VAV1: variants seen among roughly 807,000 people sequenced by gnomAD.
The protein encoded by VAV1 is proto-oncogene vav.
A neutral mutation model predicts 128.1 loss-of-function variants in VAV1; 33 were observed. The ratio of observed to expected loss-of-function variants is 0.26; its 90% CI spans 0.20 to 0.34. VAV1 has a LOEUF of 0.34. Among genes scored for constraint, VAV1 ranks in the 10% least tolerant of loss-of-function variants. The pLI, the probability that VAV1 is intolerant of heterozygous loss-of-function variation, is 1.00. For synonymous variants in VAV1, 394 were observed against 409.8 expected (o/e 0.96, Z 0.47); for missense variants, 715 against 1,093.7 (o/e 0.65, Z 4.88).
intron 1 of VAV1, among the ~76,000 whole-genome samples, chr19:6,800,994 G>A (rs1216116933): frequency 1.3e-5 from 2 of 152,190 alleles, no homozygotes; most frequent in African/African-American, 4.8e-5. Context: ...CTTACCAGGT[G>A]CCTCCTGCAT....
chr19:6,780,035 T>C (rs187955806), intron 1 of VAV1, among the ~76,000 whole-genome samples: 3,157 of 147,896 alleles, frequency 0.021, 149 homozygotes, highest in African/African-American at 0.072. Context: ...GGCATGAACC[T>C]GGGAGGCGGA....
chr19:6,774,427 CTT>C (rs1002823385), intron 1 of VAV1, among the ~76,000 whole-genome samples: 51 of 91,558 alleles, frequency 5.6e-4, no homozygotes, highest in African/African-American at 1.3e-3. Context: ...CGCGCCCAGC[CTT>C]TTTTTTTTTT....
rs752268580 is a variant in VAV1, at chr19:6,848,073, G to A, written c.2088G>A (p.Arg696=). ...ANRSDGTFLV[R]QRVKDAAEFA... is the part of the protein sequence containing the mutation. The stretch of plus-strand genomic sequence containing the variant: ...GCTCGGACGGGACTTTCTTGGTGCG[G>A]CAGAGGGTGAAGGATGCAGCAGAAT... Residue 696 remains arginine (R), a synonymous_variant, in exon 23 of 27, where the codon CGG becomes CGA. Transcript: ENST00000602142. The A allele has an allele frequency of 6.4e-7, 1 of 1,552,232 alleles. No homozygotes were observed. The highest frequency in any genetic ancestry group is 8.6e-7 in the Non-Finnish European group (1 of 1,156,366).
rs868723772 is a variant in VAV1 at position 6,792,362 on chromosome 19, G to A, written c.204+19351G>A. Among the ~76,000 whole-genome samples the A allele has an allele frequency of 4.8e-4, 72 of 151,004 alleles. 2 individuals are homozygous for A. In the Middle Eastern group the frequency reaches 0.014, roughly 29 times the overall value. On this transcript the variant is annotated intron_variant, in intron 1 of 26. Coordinates refer to ENST00000602142, the MANE Select transcript of VAV1 (RefSeq NM_005428.4). ...GGAGGCAGGTCTCATATTCCAGGAA[G>A]GCAAGAATTAAAAAAAAAAAGGAAT...
intron 21 of VAV1, among the ~76,000 whole-genome samples, chr19:6,839,186 C>G (rs1355036840): frequency 6.6e-6 from 1 of 151,218 alleles, no homozygotes; most frequent in Non-Finnish European, 1.5e-5. Context: ...CAGGTGTGAG[C>G]CACTGCACCC....
At chr19:6,823,624 G>A (rs1471937180) in intron 6 of VAV1, among the ~76,000 whole-genome samples, 1 of 151,446 alleles carries the variant, frequency 6.6e-6, no homozygotes, top group African/African-American at 2.4e-5. Flanking sequence ...TCTTCCTCTT[G>A]TCTCTCTGTC....
Position 6,822,201 on chromosome 19 carries a change from C to T in VAV1, c.450-20C>T, listed in dbSNP as rs1330318550. The T allele has an allele frequency of 7.7e-6, 12 of 1,561,722 alleles. No individual in the cohort carries two copies. Among genetic ancestry groups the T allele is most frequent in the Non-Finnish European group, 1.0e-5 (12 of 1,152,652 alleles). On this transcript the variant is annotated intron_variant, in intron 4 of 26. Coordinates refer to ENST00000602142, the MANE Select transcript of VAV1 (RefSeq NM_005428.4). This position sits in a 1 kb window ranked among gnomAD's most constrained non-coding sequence, Gnocchi z 5.9. ...TGATCTGGGAGAGGTCCAAGGGATC[C>T]CTGACCTCACAACCCACAGCGACAC...
intron 1 of VAV1, among the ~76,000 whole-genome samples, chr19:6,819,817 T>C (rs2050421043): frequency 6.6e-6 from 1 of 152,164 alleles, no homozygotes; most frequent in Non-Finnish European, 1.5e-5. Context: ...GCTGAACCTG[T>C]TGGGACGTTG....
At chr19:6,789,097 G>A (rs1230476012) in intron 1 of VAV1, among the ~76,000 whole-genome samples, 2 of 152,218 alleles carry the variant, frequency 1.3e-5, no homozygotes, top group Non-Finnish European at 1.5e-5. Flanking sequence ...AGGCAGAATC[G>A]CCCTGGGGGC....
At chr19:6,825,453 GC>G in intron 8 of VAV1, 47 bp downstream of exon 8, 1 of 1,537,442 alleles carries the variant, frequency 6.5e-7, no homozygotes, top group Non-Finnish European at 8.9e-7. Context: ...ACTCTGTCTT[GC>G]CTAGGCTGGG....
At chr19:6,802,999 C>T (rs1971307545) in intron 1 of VAV1, among the ~76,000 whole-genome samples, 1 of 152,160 alleles carries the variant, frequency 6.6e-6, no homozygotes, top group Non-Finnish European at 1.5e-5. Flanking sequence ...CGGCTTTATT[C>T]ATGATTGCTG....
At chr19:6,807,624 A>G (rs1475591414) in intron 1 of VAV1, among the ~76,000 whole-genome samples, 1 of 152,016 alleles carries the variant, frequency 6.6e-6, no homozygotes, top group Non-Finnish European at 1.5e-5. Context: ...AGGTGGGAGG[A>G]TCACTTGAGC....
rs556665094 is a variant in VAV1, at chr19:6,773,278, T to G, written c.204+267T>G. Among the ~76,000 whole-genome samples the G allele has an allele frequency of 3.8e-4, 58 of 151,992 alleles. No homozygotes were observed. The East Asian group carries it at 8.5e-3, about 22-fold the overall frequency. ...ACTGGCAAACTAGGGGTTAACTCTC[T>G]CAAGCCCCAGGCGCCTCTACTGTGG... On this transcript the variant is annotated intron_variant, in intron 1 of 26. Coordinates refer to ENST00000602142, the MANE Select transcript of VAV1 (RefSeq NM_005428.4).
intron 21 of VAV1, among the ~76,000 whole-genome samples, chr19:6,841,478 C>CT (rs35484934): frequency 0.68 from 92,266 of 135,590 alleles, 34,341 homozygotes; most frequent in Non-Finnish European, 0.83. Context: ...TTTTTCTTTT[C>CT]TTTTTTTTTT....
chr19:6,800,782 T>C (rs1477122421), intron 1 of VAV1, among the ~76,000 whole-genome samples: 2 of 100,476 alleles, frequency 2.0e-5, no homozygotes, highest in Non-Finnish European at 4.3e-5. Context: ...TCACCACGCC[T>C]GGCAAATTTT....
At position 6,814,667 on chromosome 19, in the gene VAV1, CCTTCCTTT is replaced by C. The variant is rs1245914778; in HGVS notation, c.205-6031_205-6024del. Among the ~76,000 whole-genome samples, 185 of 25,062 alleles carry C rather than the reference CCTTCCTTT, an allele frequency of 7.4e-3. 2 individuals carry two copies. The highest frequency in any genetic ancestry group is 0.014 in the East Asian group (8 of 588). The allele number at this position is 25,062 out of a possible 152,430, so 16.4% of individuals were successfully genotyped here. Reference sequence around the variant, plus strand: ...TCCTTCCTTCCTTCCTTCCTTCCTTCCTTCCTTTCTTTCTTTCTTTCTTTCTTTCTTTC... The same window carrying C: ...TCCTTCCTTCCTTCCTTCCTTCCTTCCTTTCTTTCTTTCTTTCTTTCTTTC... On this transcript the variant is annotated intron_variant, in intron 1 of 26. Coordinates refer to ENST00000602142, the MANE Select transcript of VAV1 (RefSeq NM_005428.4).
In VAV1 at chr19:6,822,162, C is replaced by T. The variant is rs948039783; in HGVS notation, c.450-59C>T. The stretch of plus-strand genomic sequence containing the variant: ...GGACAAAGCCCTGCGCTGGGGTCTG[C>T]GGGGACCCTGCTGTGATCTGGGAGA... On this transcript the variant is annotated intron_variant, in intron 4 of 26. Coordinates refer to ENST00000602142, the MANE Select transcript of VAV1 (RefSeq NM_005428.4). This position sits in a 1 kb window ranked among gnomAD's most constrained non-coding sequence, Gnocchi z 5.9. 6.7e-6 allele frequency: 10 copies of T among 1,502,218 alleles called. No individual in the cohort carries two copies. Among genetic ancestry groups the T allele is most frequent in the Admixed American group, 3.9e-5 (2 of 50,868 alleles). The allele number at this position is 1,502,218 out of a possible 1,614,324, so 93.1% of individuals were successfully genotyped here.
intron 22 of VAV1, among the ~76,000 whole-genome samples, chr19:6,845,876 A>G (rs897750056): frequency 6.8e-6 from 1 of 148,088 alleles, no homozygotes; most frequent in African/African-American, 2.4e-5. Context: ...ATCATAGTAT[A>G]TTTATATTAC....
At chr19:6,837,287 C>T (rs1423029816) in intron 21 of VAV1, among the ~76,000 whole-genome samples, 1 of 152,118 alleles carries the variant, frequency 6.6e-6, no homozygotes, top group Non-Finnish European at 1.5e-5. Flanking sequence ...CCTTTCCTTC[C>T]TACATGGGTA....
Sources: gnomAD v4.1 joint callset for allele counts (sites outside exome capture counted in the v4.1 genomes callset) on GRCh38, gnomAD v4.1.1 for gene constraint, Gnocchi (gnomAD v3.1) non-coding constraint, MANE v1.5 for transcripts, NCBI Gene and HGNC (gene_info 2026-07-23, HGNC 2026-07-21) for gene names.